The following DOCK9 variants were observed in gnomAD, a reference collection of about 807,000 sequenced individuals.
DOCK9 encodes the protein dedicator of cytokinesis 9.
In DOCK9, 89 loss-of-function variants were observed where a neutral mutation model predicts 263.3. That is an observed-to-expected ratio of 0.34 (90% confidence interval 0.28 to 0.40). The LOEUF (loss-of-function observed/expected upper bound fraction) is 0.40, where lower values mean the gene tolerates loss of function less well. DOCK9 is among the 10% of genes least tolerant of loss of function. DOCK9 has a pLI of 1.00. For synonymous variants in DOCK9, 976 were observed against 973.1 expected, an observed-to-expected ratio of 1.00 and a Z score of -0.06; for missense variants, 2,140 against 2,603.4, an observed-to-expected ratio of 0.82 and a Z score of 3.87.
At chr13:98,879,283 C>T (rs1376377841) in intron 27 of DOCK9, among the ~76,000 whole-genome samples, 1 of 152,096 alleles carries the variant, frequency 6.6e-6, no homozygotes, top group Non-Finnish European at 1.5e-5. Context: ...CAGGGGGGAC[C>T]CACGGTCAGA....
At chr13:98,993,455 G>A (rs746252887) in intron 1 of DOCK9, among the ~76,000 whole-genome samples, 4 of 152,234 alleles carry the variant, frequency 2.6e-5, no homozygotes, top group African/African-American at 4.8e-5. Flanking sequence ...TAATTTACAT[G>A]AGAGTGTCTA....
intron 1 of DOCK9, among the ~76,000 whole-genome samples, chr13:99,012,383 G>T (rs747242452): frequency 4.5e-4 from 68 of 152,286 alleles, no homozygotes; most frequent in East Asian, 7.7e-4. Flanking sequence ...AAGAATGGGT[G>T]GCCTCGAGCC....
intron 1 of DOCK9, among the ~76,000 whole-genome samples, chr13:99,038,287 CCTTTTTT>C (rs1888106626): frequency 1.4e-4 from 7 of 48,834 alleles, no homozygotes; most frequent in African/African-American, 5.3e-4. Context: ...TTTATGCCCC[CCTTTTTT>C]TTTTTTTTTT....
chr13:98,816,297 C>T (rs2091844517), intron 45 of DOCK9, among the ~76,000 whole-genome samples: 1 of 152,090 alleles, frequency 6.6e-6, no homozygotes, highest in Non-Finnish European at 1.5e-5. Flanking sequence ...AACTGATGTA[C>T]TAGAGACTCA....
chr13:99,012,591 G>A (rs1344512301), intron 1 of DOCK9, among the ~76,000 whole-genome samples: 2 of 152,168 alleles, frequency 1.3e-5, no homozygotes, highest in Non-Finnish European at 1.5e-5. Flanking sequence ...TGAGAACCCT[G>A]GTGCAAACCC....
At chr13:98,831,968 A>T in intron 39 of DOCK9, 182 bp from the exon 40 acceptor site, 1 of 709,470 alleles carries the variant, frequency 1.4e-6, no homozygotes, top group Non-Finnish European at 2.2e-6. Context: ...ATCTATCAAT[A>T]CATTTATGTT....
intron 1 of DOCK9, among the ~76,000 whole-genome samples, chr13:98,973,054 G>C (rs16956173): frequency 0.015 from 2,297 of 152,282 alleles, 52 homozygotes; most frequent in African/African-American, 0.052. Flanking sequence ...ACTAGGAATA[G>C]GTCACTATAT....
intron 30 of DOCK9, among the ~76,000 whole-genome samples, chr13:98,865,867 G>A (rs1453290722): frequency 6.6e-6 from 1 of 152,116 alleles, no homozygotes; most frequent in Non-Finnish European, 1.5e-5. Context: ...GCTTGGGGAG[G>A]AAGATGAGGA....
rs1010890990 is a variant in DOCK9 at position 98,893,694 on chromosome 13, G to A, written c.1709+3794C>T. Among the ~76,000 whole-genome samples the A allele has an allele frequency of 5.9e-5, 9 of 152,088 alleles. 1 individual carries two copies. The highest frequency in any genetic ancestry group is 2.1e-4 in the South Asian group (1 of 4,820). On this transcript the variant is annotated intron_variant, in intron 15 of 52. Coordinates refer to ENST00000682017, the MANE Select transcript of DOCK9 (RefSeq NM_001366683.2). ...GAAACAATAGCTTTGGATCCAAGCC[G>A]GTGCCCAGGCCACTGACATGAGATT...
Position 98,855,733 on chromosome 13 carries a change from A to T in DOCK9, c.3831+165T>A, listed in dbSNP as rs185476391. On this transcript the variant is annotated intron_variant, in intron 34 of 52. Coordinates refer to ENST00000682017, the MANE Select transcript of DOCK9 (RefSeq NM_001366683.2). The stretch of plus-strand genomic sequence containing the variant: ...AAACAGGAATCAGAGCACTTCAAGG[A>T]ATGGGCCCCAACCTTAAAGCTCTCA... Among the ~76,000 whole-genome samples the T allele has an allele frequency of 1.4e-4, 21 of 152,290 alleles. 1 individual carries two copies. The East Asian group carries it at 4.1e-3, about 29-fold the overall frequency.
chr13:98,947,506 ATTT>A (rs35004750), intron 2 of DOCK9, among the ~76,000 whole-genome samples: 66 of 123,782 alleles, frequency 5.3e-4, no homozygotes, highest in African/African-American at 1.7e-3. Flanking sequence ...TCTATTCAGA[ATTT>A]TTTTTTTTTT....
At chr13:98,863,873 T>G (rs2093946097) in intron 30 of DOCK9, among the ~76,000 whole-genome samples, 1 of 152,220 alleles carries the variant, frequency 6.6e-6, no homozygotes, top group Non-Finnish European at 1.5e-5. Context: ...GCATATGTTA[T>G]ATTACAAATA....
chr13:99,023,713 C>T (rs1020110359), intron 1 of DOCK9, among the ~76,000 whole-genome samples: 4 of 152,182 alleles, frequency 2.6e-5, no homozygotes, highest in African/African-American at 9.7e-5. Flanking sequence ...CTTCTAGAAA[C>T]AGGTGAGGTG....
At chr13:98,948,707 T>C (rs2057026333) in intron 2 of DOCK9, among the ~76,000 whole-genome samples, 1 of 152,174 alleles carries the variant, frequency 6.6e-6, no homozygotes, top group Admixed American at 6.5e-5. Flanking sequence ...TAACTCCCCA[T>C]TGCTCCCCAC....
intron 1 of DOCK9, among the ~76,000 whole-genome samples, chr13:99,013,090 A>G (rs898118320): frequency 6.6e-6 from 1 of 152,034 alleles, no homozygotes. Flanking sequence ...CAAAAATCCC[A>G]GGTATCATGA....
At chr13:99,052,536 A>G (rs2040742917) in intron 1 of DOCK9, among the ~76,000 whole-genome samples, 1 of 152,158 alleles carries the variant, frequency 6.6e-6, no homozygotes, top group African/African-American at 2.4e-5. Context: ...GCATTTTTCC[A>G]TATACCTGTT....
Position 99,057,347 on chromosome 13 carries a change from C to T in DOCK9, c.129+28876G>A, listed in dbSNP as rs371160970. On this transcript the variant is annotated intron_variant, in intron 1 of 32. Transcript: ENST00000427887. Reference sequence around the variant, plus strand: ...TTGACATATTGGGCCTGAAATCTTACAGCACAAAACAGGTAACCACTGAAT... The same window carrying T: ...TTGACATATTGGGCCTGAAATCTTATAGCACAAAACAGGTAACCACTGAAT... 9.1e-4 allele frequency among the ~76,000 whole-genome samples: 139 copies of T among 152,250 alleles called. 4 individuals are homozygous for T. In the South Asian group the frequency reaches 0.026, roughly 28 times the overall value.
At chr13:98,802,648 A>C (rs149938756) in intron 49 of DOCK9, among the ~76,000 whole-genome samples, 19 of 152,244 alleles carry the variant, frequency 1.2e-4, no homozygotes, top group Middle Eastern at 3.4e-3. Context: ...CCACTGAAGG[A>C]GGCTGGAGGG....
intron 15 of DOCK9, among the ~76,000 whole-genome samples, chr13:98,889,302 G>A (rs903651661): frequency 3.3e-5 from 5 of 152,140 alleles, no homozygotes; most frequent in Non-Finnish European, 7.4e-5. Flanking sequence ...TACACTGCTC[G>A]GGTGATGGGT....
Sources: allele counts gnomAD v4.1 joint callset (sites outside exome capture counted in the v4.1 genomes callset), GRCh38; gene constraint gnomAD v4.1.1; transcripts MANE v1.5; gene names NCBI Gene and HGNC (gene_info 2026-07-23, HGNC 2026-07-21).